The following NCAPH variants were observed in gnomAD, a reference collection of about 807,000 sequenced individuals.
NCAPH encodes condensin complex subunit 2.
In NCAPH, 38 loss-of-function variants were observed where a neutral mutation model predicts 85.5. The observed-to-expected ratio is 0.44, with a 90% CI of 0.34 to 0.58. NCAPH has a LOEUF of 0.58. Ranked by LOEUF, NCAPH falls within the 20% of genes least tolerant of loss-of-function variation. The probability of loss-of-function intolerance (pLI) is 0.01; values close to 1 mark genes in which losing one functional copy is unlikely to be tolerated. For missense variants in NCAPH, 789 were observed against 916.6 expected (o/e 0.86, Z 1.80); for synonymous variants, 301 against 335.1 (o/e 0.90, Z 1.11).
intron 6 of NCAPH, among the ~76,000 whole-genome samples, chr2:96,346,257 T>TG (rs1225805584): frequency 2.0e-5 from 3 of 151,664 alleles, no homozygotes; most frequent in African/African-American, 7.3e-5. Context: ...AGGAAGGCAC[T>TG]GGGGGCGTGA....
chr2:96,342,978 C>T (rs761679328), intron 4 of NCAPH, 130 bp downstream of exon 4: 62 of 1,177,784 alleles, frequency 5.3e-5, no homozygotes, highest in Non-Finnish European at 7.1e-5. Flanking sequence ...AGTTAATTTA[C>T]TTTCTTTTCC....
chr2:96,369,191 G>A, intron 16 of NCAPH, 128 bp downstream of exon 16: 1 of 1,047,324 alleles, frequency 9.5e-7, no homozygotes. Context: ...TCTCTGTGTT[G>A]ACAGATAATA....
intron 6 of NCAPH, among the ~76,000 whole-genome samples, chr2:96,345,111 C>T (rs1462098586): frequency 6.6e-6 from 1 of 152,194 alleles, no homozygotes; most frequent in East Asian, 1.9e-4. Context: ...TTTCCCCAAT[C>T]TTAGGAGTTC....
chr2:96,376,645 A>G lies in NCAPH; in HGVS notation c.*3294A>G, dbSNP rs2064834582. 6.6e-6 allele frequency among the ~76,000 whole-genome samples: 1 copy of G among 152,216 alleles called. No homozygotes were observed. The highest frequency in any genetic ancestry group is 1.5e-5 in the Non-Finnish European group (1 of 68,036). ...GATACTGGGTCATTTCAACACCACAAGGATTTGCAGCATCTGCGGCAACGA... is the reference window on the plus strand; with the variant it reads ...GATACTGGGTCATTTCAACACCACAGGGATTTGCAGCATCTGCGGCAACGA... On this transcript the variant is annotated 3_prime_UTR_variant, in exon 18 of 18. Coordinates refer to ENST00000240423, the MANE Select transcript of NCAPH (RefSeq NM_015341.5).
rs1331012584 is a variant in NCAPH, at chr2:96,360,212, A to G, written c.1427A>G (p.Asp476Gly). ...TKKDFEIDFEDDIDFDVYFRK... is the reference protein window; with the variant it reads ...TKKDFEIDFEGDIDFDVYFRK... ...AAAGATTTTGAAATTGACTTTGAAG[A>G]TGATATTGACTTTGATGTATATTTT... The change falls in exon 11 of 18, where the codon GAT becomes GGT. Residue 476 changes from aspartate (D) to glycine (G), a missense_variant. Coordinates refer to ENST00000240423, the MANE Select transcript of NCAPH (RefSeq NM_015341.5). The G allele has an allele frequency of 1.3e-6, 2 of 1,570,736 alleles. No homozygotes were observed. Among genetic ancestry groups the G allele is most frequent in the Non-Finnish European group, 1.8e-6 (2 of 1,142,540 alleles).
At chr2:96,341,972 A>G in intron 2 of NCAPH, 78 bp downstream of exon 2, 1 of 1,604,642 alleles carries the variant, frequency 6.2e-7, no homozygotes, top group Non-Finnish European at 8.5e-7. Flanking sequence ...TCTCCACAAA[A>G]CTTCATGGGT....
At chr2:96,364,399 G>C (rs1573092604) in intron 12 of NCAPH, 82 bp from the exon 13 acceptor site, 1 of 842,456 alleles carries the variant, frequency 1.2e-6, no homozygotes, top group African/African-American at 1.7e-5. Context: ...AGGAGATTGG[G>C]CATAGGAATT....
rs1034588083 is a variant in NCAPH, at chr2:96,377,036, G to A, written c.*3685G>A. Among the ~76,000 whole-genome samples the A allele has an allele frequency of 1.3e-5, 2 of 150,564 alleles. No homozygotes were observed. The highest frequency in any genetic ancestry group is 4.9e-5 in the African/African-American group (2 of 40,812). ...TATCTCATGTACCCCATAAATATAT[G>A]CACCTACTATGTACCCACAACTATT... On this transcript the variant is annotated 3_prime_UTR_variant, in exon 18 of 18. Transcript: ENST00000240423.
intron 6 of NCAPH, among the ~76,000 whole-genome samples, chr2:96,350,919 A>T (rs576802641): frequency 6.6e-6 from 1 of 152,268 alleles, no homozygotes; most frequent in Non-Finnish European, 1.5e-5. Context: ...CTTGCTGCAC[A>T]TGTGTGTGAT....
chr2:96,342,890 A>G, intron 4 of NCAPH, 42 bp downstream of exon 4: 1 of 1,526,526 alleles, frequency 6.6e-7, no homozygotes, highest in Non-Finnish European at 9.1e-7. Flanking sequence ...GAATTAAATG[A>G]TGATGATTTC....
At chr2:96,337,305 C>G (rs1419184865) in intron 1 of NCAPH, among the ~76,000 whole-genome samples, 2 of 152,256 alleles carry the variant, frequency 1.3e-5, no homozygotes, top group Admixed American at 1.3e-4. Flanking sequence ...CAGGTTCCTT[C>G]CTTAGCCTGT....
rs1401458143 is a variant in NCAPH at position 96,341,639 on chromosome 2, C to T, written c.20-3C>T. ...GGTTTCTTGAGCAAGAATTTTGTTC[C>T]AGCACTGCCAGCCACAATGAATAAC... On this transcript the variant is annotated splice_region_variant and splice_polypyrimidine_tract_variant and intron_variant, in intron 1 of 17. Transcript: ENST00000240423. 1 of 1,607,496 alleles carries T rather than the reference C, an allele frequency of 6.2e-7. No homozygotes were observed. The highest frequency in any genetic ancestry group is 1.7e-5 in the Admixed American group (1 of 59,430).
chr2:96,361,626 C>G (rs923150057), intron 12 of NCAPH, among the ~76,000 whole-genome samples: 6 of 151,484 alleles, frequency 4.0e-5, no homozygotes, highest in Non-Finnish European at 8.8e-5. Flanking sequence ...AGCAGTGGTT[C>G]GTGTAAACCA....
In NCAPH at chr2:96,351,998, T is replaced by G; in HGVS notation, c.888T>G (p.Cys296Trp). The change falls in exon 7 of 18, where the codon TGT becomes TGG. Residue 296 changes from cysteine to tryptophan, a missense_variant. By Grantham distance (215) the Cys-to-Trp change is radical. Transcript: ENST00000240423. ...CTCTCGAGTTGCCAGAGTTAGGTTGTGTAGAAATGACAGATTTAAAAGGTA... is the reference window on the plus strand; with the variant it reads ...CTCTCGAGTTGCCAGAGTTAGGTTGGGTAGAAATGACAGATTTAAAAGGTA... ...GEPLELPELGCVEMTDLKAPL... is the reference protein window; with the variant it reads ...GEPLELPELGWVEMTDLKAPL... 5 of 1,611,618 alleles carry G rather than the reference T, an allele frequency of 3.1e-6. No individual in the cohort carries two copies. Among genetic ancestry groups the G allele is most frequent in the Non-Finnish European group, 4.2e-6 (5 of 1,179,286 alleles).
chr2:96,341,849 A>C lies in NCAPH; in HGVS notation c.227A>C (p.Gln76Pro), dbSNP rs773756228. ...AGGCGCTCGAGGGTCTTTGATCTGC[A>C]GTTCAGCACTGACTCACCTCGCTTA... is the stretch of plus-strand genomic sequence containing the variant. ...QRRRSRVFDL[Q>P]FSTDSPRLLA... is the part of the protein sequence containing the mutation. Residue 76 changes from glutamine (Q) to proline (P), a missense_variant, in exon 2 of 18, where the codon CAG becomes CCG. Coordinates refer to ENST00000240423, the MANE Select transcript of NCAPH (RefSeq NM_015341.5). The C allele has an allele frequency of 1.9e-6, 3 of 1,613,068 alleles. No individual in the cohort carries two copies. The highest frequency in any genetic ancestry group is 2.7e-5 in the African/African-American group (2 of 74,886).
In NCAPH at chr2:96,373,288, T is replaced by A; in HGVS notation, c.2167-4T>A. 2 of 1,613,446 alleles carry A rather than the reference T, an allele frequency of 1.2e-6. No individual in the cohort carries two copies. The highest frequency in any genetic ancestry group is 1.7e-6 in the Non-Finnish European group (2 of 1,179,496). On this transcript the variant is annotated splice_polypyrimidine_tract_variant and splice_region_variant and intron_variant, in intron 17 of 17. Transcript: ENST00000240423. Reference sequence around the variant, plus strand: ...AGTCCATGCATGTTTTGGTCTTCCCTCAGAATCTAAAACTGGAAGGAACAG... The same window carrying A: ...AGTCCATGCATGTTTTGGTCTTCCCACAGAATCTAAAACTGGAAGGAACAG...
intron 6 of NCAPH, among the ~76,000 whole-genome samples, chr2:96,344,762 G>A (rs1250126369): frequency 6.6e-6 from 1 of 152,152 alleles, no homozygotes; most frequent in Non-Finnish European, 1.5e-5. Flanking sequence ...TAAACAAATG[G>A]TACTGGAGGC....
chr2:96,366,531 G>A (rs1198296358), intron 14 of NCAPH, among the ~76,000 whole-genome samples: 1 of 152,194 alleles, frequency 6.6e-6, no homozygotes, highest in African/African-American at 2.4e-5. Flanking sequence ...AATGTAGATT[G>A]CACTGGATTG....
Position 96,367,370 on chromosome 2 carries a change from A to G in NCAPH, c.1995A>G (p.Ala665=). 6.2e-7 allele frequency: 1 copy of G among 1,610,092 alleles called. No homozygotes were observed. ...CGCTCTCCGGAAAGGAGGCAGATGC[A>G]GAGGTCAGATGCTCTTGCCTGTTCT... ...LTALSGKEAD[A]EANHREAGKE... The change falls in exon 15 of 18, where the codon GCA becomes GCG. Residue 665 remains alanine (A), a synonymous_variant. Transcript: ENST00000240423.
Sources: gnomAD v4.1 joint callset for allele counts (sites outside exome capture counted in the v4.1 genomes callset) on GRCh38, gnomAD v4.1.1 for gene constraint, MANE v1.5 for transcripts, NCBI Gene and HGNC (gene_info 2026-07-23, HGNC 2026-07-21) for gene names.